CLHC1: variants seen among roughly 807,000 people sequenced by gnomAD.
The protein encoded by CLHC1 is clathrin heavy chain linker domain containing 1.
A neutral mutation model predicts 69.5 loss-of-function variants in CLHC1; 72 were observed. The ratio of observed to expected loss-of-function variants is 1.04; its 90% CI spans 0.86 to 1.26. CLHC1 has a LOEUF of 1.26. CLHC1 is among the 50% of genes most tolerant of loss of function. CLHC1 has a pLI of 0.00. For missense variants in CLHC1, 790 were observed against 679.3 expected (o/e 1.16, Z -1.81); for synonymous variants, 223 against 224.3 (o/e 0.99, Z 0.05).
At chr2:55,208,995 C>T (rs1422732929) in intron 7 of CLHC1, among the ~76,000 whole-genome samples, 3 of 151,394 alleles carry the variant, frequency 2.0e-5, no homozygotes, top group Non-Finnish European at 4.4e-5. Flanking sequence ...CTCAGCCTCC[C>T]GAGTAGCTGG....
chr2:55,185,238 C>T (rs148406599), intron 9 of CLHC1, among the ~76,000 whole-genome samples: 1 of 152,162 alleles, frequency 6.6e-6, no homozygotes, highest in Non-Finnish European at 1.5e-5. Context: ...CTATCCAATT[C>T]ACACCAAACA....
intron 9 of CLHC1, among the ~76,000 whole-genome samples, chr2:55,203,539 T>C (rs1269817642): frequency 6.6e-6 from 1 of 151,988 alleles, no homozygotes; most frequent in Non-Finnish European, 1.5e-5. Context: ...TTGACAAAGG[T>C]GACAAGAACA....
intron 1 of CLHC1, among the ~76,000 whole-genome samples, chr2:55,229,431 G>T (rs868624729): frequency 2.6e-5 from 4 of 152,114 alleles, no homozygotes; most frequent in Non-Finnish European, 5.9e-5. Context: ...AGGCCTCAGG[G>T]TGGGACAACA....
intron 5 of CLHC1, 88 bp downstream of exon 5, chr2:55,212,585 C>A (rs1220887495): frequency 9.8e-7 from 1 of 1,019,586 alleles, no homozygotes; most frequent in East Asian, 2.4e-5. Flanking sequence ...GATGCACATA[C>A]ATCAGCACAT....
chr2:55,181,781 TAAGA>T, intron 9 of CLHC1, 37 bp from the exon 10 acceptor site: 1 of 1,539,518 alleles, frequency 6.5e-7, no homozygotes. Flanking sequence ...TCAAATACTT[TAAGA>T]AATAGTTTGC....
At chr2:55,224,208 A>C (rs556024009) in intron 2 of CLHC1, 1 of 303,370 alleles carries the variant, frequency 3.3e-6, no homozygotes. Context: ...GCTCAGTTCA[A>C]GCGAAGGGAG....
At chr2:55,212,888 C>A in intron 4 of CLHC1, 82 bp from the exon 5 acceptor site, 1 of 1,085,974 alleles carries the variant, frequency 9.2e-7, no homozygotes, top group South Asian at 1.3e-5. Flanking sequence ...CAGGTTAAAT[C>A]ATTACTTTAT....
At chr2:55,189,729 G>A (rs1670742296) in intron 9 of CLHC1, among the ~76,000 whole-genome samples, 2 of 152,202 alleles carry the variant, frequency 1.3e-5, no homozygotes, top group Non-Finnish European at 2.9e-5. Flanking sequence ...GTCATCAGCT[G>A]AGTACTGATT....
At chr2:55,216,819 G>A (rs1334769064) in intron 4 of CLHC1, among the ~76,000 whole-genome samples, 2 of 151,998 alleles carry the variant, frequency 1.3e-5, no homozygotes, top group Admixed American at 1.3e-4. Context: ...CACCCTGTGC[G>A]GACCCTCATT....
intron 3 of CLHC1, 72 bp from the exon 4 acceptor site, chr2:55,218,070 T>C (rs571794860): frequency 2.7e-6 from 2 of 737,808 alleles, no homozygotes; most frequent in Non-Finnish European, 4.1e-6. Flanking sequence ...TTCTTGCAAA[T>C]AACATTATAG....
intron 9 of CLHC1, among the ~76,000 whole-genome samples, chr2:55,189,027 A>T (rs906746294): frequency 6.6e-6 from 1 of 152,240 alleles, no homozygotes; most frequent in Non-Finnish European, 1.5e-5. Context: ...GTAACAATGT[A>T]TATGATAATA....
intron 9 of CLHC1, among the ~76,000 whole-genome samples, chr2:55,190,042 G>C (rs1670769205): frequency 6.6e-6 from 1 of 152,006 alleles, no homozygotes; most frequent in Admixed American, 6.6e-5. Flanking sequence ...GCACCATTAA[G>C]GTAAAATTCT....
At chr2:55,210,607 G>C (rs1672898962) in intron 5 of CLHC1, among the ~76,000 whole-genome samples, 1 of 152,124 alleles carries the variant, frequency 6.6e-6, no homozygotes, top group South Asian at 2.1e-4. Flanking sequence ...ACACCCTGAA[G>C]ACCCGTAAAT....
intron 2 of CLHC1, among the ~76,000 whole-genome samples, chr2:55,223,618 G>C (rs1367324898): frequency 1.3e-5 from 2 of 151,500 alleles, no homozygotes; most frequent in Non-Finnish European, 1.5e-5. Context: ...CCCGACCTCA[G>C]ACGGCTCTGG....
chr2:55,205,400 TAC>T lies in CLHC1; in HGVS notation c.1006+868_1006+869del, dbSNP rs35508061. On this transcript the variant is annotated intron_variant, in intron 9 of 12. Coordinates refer to ENST00000401408, the MANE Select transcript of CLHC1 (RefSeq NM_152385.4). ...TCAAGGGATGATTGGATAAAGAAAATACACACACACACACACACACACGCACA... is the reference window on the plus strand; with the variant it reads ...TCAAGGGATGATTGGATAAAGAAAATACACACACACACACACACACGCACA... Among the ~76,000 whole-genome samples the T allele has an allele frequency of 1.1e-3, 165 of 147,740 alleles. 1 individual carries two copies. The highest frequency in any genetic ancestry group is 2.1e-3 in the African/African-American group (84 of 40,180).
At chr2:55,231,987 G>A (rs1365260550) in intron 1 of CLHC1, 6 of 152,212 alleles carry the variant, frequency 3.9e-5, no homozygotes, top group African/African-American at 1.4e-4. Flanking sequence ...CTGAACCCCC[G>A]CTTCCGCAGA....
intron 9 of CLHC1, among the ~76,000 whole-genome samples, chr2:55,206,035 T>C (rs1466525912): frequency 6.6e-6 from 1 of 152,224 alleles, no homozygotes; most frequent in Non-Finnish European, 1.5e-5. Context: ...ATCTTGATAG[T>C]GAGTACATGG....
chr2:55,217,552 A>AAATACATATATATATATAT (rs1673677786), intron 4 of CLHC1, among the ~76,000 whole-genome samples: 1 of 43,156 alleles, frequency 2.3e-5, no homozygotes, highest in African/African-American at 1.2e-4. Flanking sequence ...AAAAAAAAAA[A>AAATACATATATATATATAT]ATATATATAT....
chr2:55,213,389 C>A (rs1396213717), intron 4 of CLHC1, among the ~76,000 whole-genome samples: 2 of 152,214 alleles, frequency 1.3e-5, no homozygotes, highest in Non-Finnish European at 2.9e-5. Context: ...CTGTTTCCCT[C>A]TTATTAGGAC....
Sources: allele counts gnomAD v4.1 joint callset (sites outside exome capture counted in the v4.1 genomes callset), GRCh38; gene constraint gnomAD v4.1.1; transcripts MANE v1.5; gene names NCBI Gene and HGNC (gene_info 2026-07-23, HGNC 2026-07-21).